The following GNAO1 variants were observed in gnomAD, a reference collection of about 807,000 sequenced individuals.
GNAO1 encodes the protein G protein subunit alpha o1, also known as guanine nucleotide-binding protein G(o) subunit alpha.
For synonymous variants in GNAO1, 164 were observed against 180.7 expected (o/e 0.91, Z 0.74); for missense variants, 166 against 478.7 (o/e 0.35, Z 6.10).
At chr16:56,291,559 A>G (rs1287324395) in intron 3 of GNAO1, among the ~76,000 whole-genome samples, 1 of 152,072 alleles carries the variant, frequency 6.6e-6, no homozygotes, top group Non-Finnish European at 1.5e-5. Context: ...TTATCTTTCG[A>G]ATTTTGTGAT....
chr16:56,268,694 T>G (rs910755389), intron 2 of GNAO1, among the ~76,000 whole-genome samples: 1 of 152,156 alleles, frequency 6.6e-6, no homozygotes, highest in East Asian at 1.9e-4. Context: ...TTACACATCC[T>G]CACATAATAA....
chr16:56,341,077 C>T (rs1248002516), intron 6 of GNAO1: 52 of 1,012,412 alleles, frequency 5.1e-5, no homozygotes, highest in Non-Finnish European at 7.5e-5. Flanking sequence ...TGTGGATGCC[C>T]CTGACTCTGC....
intron 3 of GNAO1, among the ~76,000 whole-genome samples, chr16:56,322,932 C>T (rs115359202): frequency 0.023 from 3,456 of 152,166 alleles, 51 homozygotes; most frequent in South Asian, 0.086. Flanking sequence ...CTACCAAGCA[C>T]GGTGTGAGGC....
intron 2 of GNAO1, among the ~76,000 whole-genome samples, chr16:56,263,184 C>T (rs2036919591): frequency 1.3e-5 from 2 of 152,168 alleles, no homozygotes; most frequent in South Asian, 4.2e-4. Flanking sequence ...GGATTGGCAG[C>T]CAGGGCTATG....
intron 5 of GNAO1, chr16:56,336,289 T>G (rs561463006): frequency 3.5e-5 from 6 of 170,814 alleles, no homozygotes; most frequent in East Asian, 1.6e-4. Flanking sequence ...CATGGGTGGC[T>G]CACTTCTGCC....
intron 2 of GNAO1, among the ~76,000 whole-genome samples, chr16:56,207,318 A>G (rs2036339403): frequency 6.6e-6 from 1 of 152,238 alleles, no homozygotes; most frequent in Non-Finnish European, 1.5e-5. Flanking sequence ...AAATAAATAA[A>G]CACACTGCAG....
intron 2 of GNAO1, among the ~76,000 whole-genome samples, chr16:56,265,521 C>T (rs532478781): frequency 1.5e-4 from 23 of 152,358 alleles, no homozygotes; most frequent in African/African-American, 5.5e-4. Context: ...AAATAATACT[C>T]GTGCGGACTC....
intron 4 of GNAO1, 178 bp downstream of exon 4, chr16:56,328,969 A>T (rs4784654): frequency 3.3e-6 from 2 of 606,318 alleles, no homozygotes; most frequent in South Asian, 2.0e-5. Flanking sequence ...CTCTTCCTGC[A>T]CCCCAGGAGG....
intron 5 of GNAO1, chr16:56,336,339 C>T (rs2143663973): frequency 5.6e-6 from 1 of 178,730 alleles, no homozygotes; most frequent in Admixed American, 5.5e-5. Context: ...GCCTCCCTCC[C>T]AGGCTGGTTT....
intron 2 of GNAO1, among the ~76,000 whole-genome samples, chr16:56,224,503 A>C (rs1250864202): frequency 3.9e-5 from 6 of 152,152 alleles, no homozygotes; most frequent in Non-Finnish European, 8.8e-5. Context: ...TTTGAGGCAG[A>C]GTCTCACTCT....
At chr16:56,345,850 C>A (rs1758885090) in intron 6 of GNAO1, 1 of 985,412 alleles carries the variant, frequency 1.0e-6, no homozygotes, top group African/African-American at 1.7e-5. Context: ...GGCTCAGAAG[C>A]AGCCGGCAAA....
At chr16:56,303,589 G>C (rs2037364777) in intron 3 of GNAO1, among the ~76,000 whole-genome samples, 1 of 152,202 alleles carries the variant, frequency 6.6e-6, no homozygotes, top group Non-Finnish European at 1.5e-5. Flanking sequence ...TGGAGCAGTA[G>C]AGCCCCTCGT....
chr16:56,307,996 C>T (rs2037414621), intron 3 of GNAO1: 1 of 152,230 alleles, frequency 6.6e-6, no homozygotes, highest in African/African-American at 2.4e-5. Flanking sequence ...GAGTCGCTGC[C>T]CTCATCCATG....
chr16:56,253,010 G>A (rs1336620013), intron 2 of GNAO1, among the ~76,000 whole-genome samples: 2 of 152,206 alleles, frequency 1.3e-5, no homozygotes, highest in African/African-American at 4.8e-5. Context: ...CTTGCCTTCT[G>A]CCAAGAGTTC....
At chr16:56,288,397 C>T (rs1596843931) in intron 3 of GNAO1, among the ~76,000 whole-genome samples, 1 of 152,280 alleles carries the variant, frequency 6.6e-6, no homozygotes, top group East Asian at 1.9e-4. Context: ...CACCAGCCAC[C>T]AGGATAGGAG....
chr16:56,201,804 A>G (rs1222005291), intron 2 of GNAO1, among the ~76,000 whole-genome samples: 2 of 152,242 alleles, frequency 1.3e-5, no homozygotes, highest in Non-Finnish European at 2.9e-5. Flanking sequence ...TGGTAGTTAA[A>G]TGCAGGAGGA....
At chr16:56,220,576 A>C (rs2143362886) in intron 2 of GNAO1, among the ~76,000 whole-genome samples, 1 of 152,270 alleles carries the variant, frequency 6.6e-6, no homozygotes, top group Admixed American at 6.5e-5. Context: ...AATTTAAAAA[A>C]CAAATGTTTG....
rs114063433 is a variant in GNAO1, at chr16:56,222,214, C to A, written c.161+29598C>A. ...ATCTTTATGGGAGCCTTATTAAGAACAGAGCATGTCAGTGGGAGGGAGGGA... is the reference window on the plus strand; with the variant it reads ...ATCTTTATGGGAGCCTTATTAAGAAAAGAGCATGTCAGTGGGAGGGAGGGA... On this transcript the variant is annotated intron_variant, in intron 2 of 8. Transcript: ENST00000262493. Among the ~76,000 whole-genome samples, 874 of 151,570 alleles carry A rather than the reference C, an allele frequency of 5.8e-3. 10 individuals carry two copies. The highest frequency in any genetic ancestry group is 0.02 in the African/African-American group (809 of 41,292).
chr16:56,274,264 C>A (rs1269906892), intron 2 of GNAO1, among the ~76,000 whole-genome samples: 1 of 152,204 alleles, frequency 6.6e-6, no homozygotes, highest in Non-Finnish European at 1.5e-5. Context: ...ATGCTTGTTT[C>A]ACATATTTTG....
Sources: allele counts gnomAD v4.1 joint callset (sites outside exome capture counted in the v4.1 genomes callset), GRCh38; gene constraint gnomAD v4.1.1; transcripts MANE v1.5; gene names NCBI Gene and HGNC (gene_info 2026-07-23, HGNC 2026-07-21).